RRP1B: variants seen among roughly 807,000 people sequenced by gnomAD.
RRP1B encodes the protein ribosomal RNA processing 1B, also known as ribosomal RNA processing protein 1 homolog B.
A neutral mutation model predicts 80.2 loss-of-function variants in RRP1B; 56 were observed. That is an observed-to-expected ratio of 0.70 (90% CI 0.56 to 0.87). The LOEUF (loss-of-function observed/expected upper bound fraction) is 0.87. Among genes scored for constraint, RRP1B ranks in the 40% least tolerant of loss-of-function variants. The probability of loss-of-function intolerance (pLI) is 0.00; values close to 1 mark genes in which losing one functional copy is unlikely to be tolerated. For synonymous variants in RRP1B, 351 were observed against 357.6 expected (o/e 0.98, Z 0.21); for missense variants, 807 against 939.8 (o/e 0.86, Z 1.85).
chr21:43,672,270 G>C, intron 2 of RRP1B, 38 bp from the exon 3 acceptor site: 1 of 1,604,370 alleles, frequency 6.2e-7, no homozygotes, highest in Non-Finnish European at 8.5e-7. Context: ...GTTGCCCCAC[G>C]ATAACCCCCA....
chr21:43,685,514 G>C (rs752634727), intron 10 of RRP1B, among the ~76,000 whole-genome samples: 1 of 152,118 alleles, frequency 6.6e-6, no homozygotes, highest in Non-Finnish European at 1.5e-5. Context: ...TCTTTGGCCC[G>C]CCGTGTCCTT....
At chr21:43,670,469 C>T (rs2082995337) in intron 2 of RRP1B, among the ~76,000 whole-genome samples, 1 of 152,228 alleles carries the variant, frequency 6.6e-6, no homozygotes, top group African/African-American at 2.4e-5. Flanking sequence ...CTGTGCGGGG[C>T]CTGCTGAGCC....
intron 8 of RRP1B, among the ~76,000 whole-genome samples, chr21:43,682,073 C>G (rs2083045706): frequency 6.6e-6 from 1 of 152,202 alleles, no homozygotes; most frequent in South Asian, 2.1e-4. Flanking sequence ...TTGAGACCAG[C>G]TTGGGCAACA....
In RRP1B at chr21:43,675,158, A is replaced by C; in HGVS notation, c.544A>C (p.Lys182Gln). 1 of 1,613,506 alleles carries C rather than the reference A, an allele frequency of 6.2e-7. No homozygotes were observed. Among genetic ancestry groups the C allele is most frequent in the Non-Finnish European group, 8.5e-7 (1 of 1,179,892 alleles). The change falls in exon 6 of 16, where the codon AAG becomes CAG. Residue 182 changes from lysine (K) to glutamine (Q), a missense_variant. Lys to Gln is a moderately conservative substitution (Grantham distance 53). Coordinates refer to ENST00000340648, the MANE Select transcript of RRP1B (RefSeq NM_015056.3). The stretch of plus-strand genomic sequence containing the variant: ...GGATGAACTCTCCAAAGTCGGGGGG[A>C]AGGAGGTAAGCAGCTGCCGACAGGC... ...YLDELSKVGG[K>Q]ELLADQNLKF...
At position 43,676,189 on chromosome 21, in the gene RRP1B, A is replaced by G. The variant is rs1177679637; in HGVS notation, c.550-83A>G. 3 of 1,024,840 alleles carry G rather than the reference A, an allele frequency of 2.9e-6. No individual in the cohort carries two copies. The East Asian group carries it at 7.3e-5, about 25-fold the overall frequency. The allele number at this position is 1,024,840 out of a possible 1,614,324, so 63.5% of individuals were successfully genotyped here. On this transcript the variant is annotated intron_variant, in intron 6 of 15. Coordinates refer to ENST00000340648, the MANE Select transcript of RRP1B (RefSeq NM_015056.3). ...TGCTTGGTCTAACTCCACCTTTGTA[A>G]AAGATGGGAATGGTCCCTTTTTCAA...
Position 43,691,765 on chromosome 21 carries a change from G to A in RRP1B, c.2083+263G>A, listed in dbSNP as rs565203756. Among the ~76,000 whole-genome samples, 39 of 152,072 alleles carry A rather than the reference G, an allele frequency of 2.6e-4. No homozygotes were observed. The highest frequency in any genetic ancestry group is 8.9e-4 in the African/African-American group (37 of 41,476). ...AGCGATTCTCCTGCCTCAGGCTGCC[G>A]GGTAGCGGGTAGCTGGGATCACAGG... On this transcript the variant is annotated intron_variant, in intron 15 of 15. Transcript: ENST00000340648. The surrounding 1 kb of genome is among the most constrained non-coding windows in gnomAD (Gnocchi z 4.2).
intron 11 of RRP1B, chr21:43,686,584 T>C (rs1249667764): frequency 8.2e-6 from 4 of 490,306 alleles, no homozygotes; most frequent in African/African-American, 7.8e-5. Flanking sequence ...ATGGAGGGTG[T>C]CACCGAGGGC....
rs944135761 is a variant in RRP1B, at chr21:43,675,031, T to C, written c.420-3T>C. 1.2e-6 allele frequency: 2 copies of C among 1,613,812 alleles called. No individual in the cohort carries two copies. The highest frequency in any genetic ancestry group is 1.3e-5 in the African/African-American group (1 of 74,922). Reference sequence around the variant, plus strand: ...TCACAGAAGCATGCGTTTGGTTCTTTAGCCGAATCAAGGTTTTCTTGGATG... The same window carrying C: ...TCACAGAAGCATGCGTTTGGTTCTTCAGCCGAATCAAGGTTTTCTTGGATG... On this transcript the variant is annotated splice_region_variant and splice_polypyrimidine_tract_variant and intron_variant, in intron 5 of 15. Transcript: ENST00000340648.
intron 1 of RRP1B, among the ~76,000 whole-genome samples, chr21:43,665,967 A>G (rs1043198300): frequency 6.6e-6 from 1 of 152,162 alleles, no homozygotes; most frequent in Non-Finnish European, 1.5e-5. Context: ...CAAAGAGAGG[A>G]TTTGAAGGAC....
In RRP1B at chr21:43,684,749, C is replaced by G. The variant is rs1409237297; in HGVS notation, c.989+99C>G. The G allele has an allele frequency of 6.2e-6, 6 of 974,106 alleles. No homozygotes were observed. In the South Asian group the frequency reaches 7.0e-5, roughly 11 times the overall value. 60.3% of individuals were successfully genotyped at this position (974,106 alleles called of 1,614,324 possible). ...TGCATGCTTATCTTTTTTCTTTCTT[C>G]TTTTTTTGTCCTTTAATGCTTTTGT... On this transcript the variant is annotated intron_variant, in intron 10 of 15. Coordinates refer to ENST00000340648, the MANE Select transcript of RRP1B (RefSeq NM_015056.3).
At chr21:43,688,698 C>T (rs1385859073) in intron 13 of RRP1B, among the ~76,000 whole-genome samples, 1 of 152,194 alleles carries the variant, frequency 6.6e-6, no homozygotes, top group Non-Finnish European at 1.5e-5. Context: ...CCCCTACCCC[C>T]CAGCTCAAGA....
intron 8 of RRP1B, 101 bp downstream of exon 8, chr21:43,677,015 T>C (rs2083025579): frequency 4.3e-6 from 5 of 1,171,886 alleles, no homozygotes; most frequent in South Asian, 1.5e-5. Flanking sequence ...GAATGCAACC[T>C]AGAGTTGATG....
chr21:43,676,336 A>T lies in RRP1B; in HGVS notation c.614A>T (p.Asp205Val). ...TGCAAAATTGCTGCGAAGACGAAGG[A>T]GTAAGTGATTCCCCTGTTCGTTCCT... ...PFCKIAAKTK[D>V]HTLVQTIARG... Residue 205 changes from aspartate to valine, a missense_variant and splice_region_variant, in exon 7 of 16, where the codon GAC becomes GTC. Physicochemically the swap from Asp to Val is radical, Grantham distance 152. Transcript: ENST00000340648. The T allele has an allele frequency of 6.2e-7, 1 of 1,608,362 alleles. No homozygotes were observed. The highest frequency in any genetic ancestry group is 8.5e-7 in the Non-Finnish European group (1 of 1,175,010).
intron 6 of RRP1B, among the ~76,000 whole-genome samples, chr21:43,675,750 C>A (rs1244248281): frequency 2.0e-5 from 3 of 152,180 alleles, no homozygotes; most frequent in Non-Finnish European, 4.4e-5. Flanking sequence ...GTTTGTCCAG[C>A]CCGCAGCCTG....
chr21:43,686,601 T>A, intron 11 of RRP1B: 1 of 549,628 alleles, frequency 1.8e-6, no homozygotes. Context: ...GGGCTTGTGA[T>A]CCCTTGCCTT....
At chr21:43,665,125 C>G (rs1314547756) in intron 1 of RRP1B, among the ~76,000 whole-genome samples, 2 of 152,224 alleles carry the variant, frequency 1.3e-5, no homozygotes, top group African/African-American at 4.8e-5. Flanking sequence ...TTGCCTGTTA[C>G]AGGTGTGGGC....
chr21:43,665,158 G>A (rs376497841), intron 1 of RRP1B, among the ~76,000 whole-genome samples: 1 of 152,376 alleles, frequency 6.6e-6, no homozygotes, highest in East Asian at 1.9e-4. Context: ...ATGCTAGGCA[G>A]ACCACATTAT....
intron 8 of RRP1B, 26 bp downstream of exon 8, chr21:43,676,940 A>G (rs747908342): frequency 6.2e-7 from 1 of 1,604,094 alleles, no homozygotes; most frequent in South Asian, 1.1e-5. Flanking sequence ...TGGTCAGTGT[A>G]GCTTTCTTTC....
intron 3 of RRP1B, among the ~76,000 whole-genome samples, 155 bp downstream of exon 3, chr21:43,672,520 A>C (rs1037485177): frequency 6.6e-6 from 1 of 152,248 alleles, no homozygotes; most frequent in Admixed American, 6.5e-5. Context: ...GAGAGGGCAC[A>C]GTGTCTTGGG....
Sources: allele counts gnomAD v4.1 joint callset (sites outside exome capture counted in the v4.1 genomes callset), GRCh38; gene constraint gnomAD v4.1.1; non-coding constraint Gnocchi (gnomAD v3.1); transcripts MANE v1.5; gene names NCBI Gene and HGNC (gene_info 2026-07-23, HGNC 2026-07-21).